The following SSUH2 variants were observed in gnomAD, a reference collection of about 807,000 sequenced individuals.
SSUH2 encodes the protein protein SSUH2 homolog.
Under a neutral mutation model 55.3 loss-of-function variants are expected in SSUH2, and 47 were observed. That is an observed-to-expected ratio of 0.85 (90% CI 0.67 to 1.08). The LOEUF (loss-of-function observed/expected upper bound fraction) is 1.08. Ranked by LOEUF, SSUH2 falls within the 50% of genes least tolerant of loss-of-function variation. The probability of loss-of-function intolerance (pLI) is 0.00; values close to 1 mark genes in which losing one functional copy is unlikely to be tolerated. For synonymous variants in SSUH2, 212 were observed against 191.5 expected, an observed-to-expected ratio of 1.11 and a Z score of -0.89; for missense variants, 535 against 490.7, an observed-to-expected ratio of 1.09 and a Z score of -0.85.
rs137978829 is a variant in SSUH2 at position 8,633,696 on chromosome 3, G to T, written c.309C>A (p.Ile103=). ...YSSTVAGDLV[I]QELKRQTLCR... ...AGAGGGTCTGCCGCTTCAGCTCCTG[G>T]ATGACGAGGTCTCCAGCCACCGTGC... The change falls in exon 4 of 12, where the codon ATC becomes ATA. Residue 103 remains isoleucine (I), a synonymous_variant. Transcript: ENST00000544814. 2 of 1,535,642 alleles carry T rather than the reference G, an allele frequency of 1.3e-6. No individual in the cohort carries two copies. The highest frequency in any genetic ancestry group is 1.8e-6 in the Non-Finnish European group (2 of 1,141,868).
chr3:8,647,060 G>T (rs1575248930), upstream of SSUH2, among the ~76,000 whole-genome samples: 2 of 152,198 alleles, frequency 1.3e-5, no homozygotes, highest in South Asian at 4.1e-4. Flanking sequence ...CTCACAGGTG[G>T]GTGTCTGTCT....
upstream of SSUH2, among the ~76,000 whole-genome samples, chr3:8,647,647 C>T (rs1263065969): frequency 6.6e-6 from 1 of 152,172 alleles, no homozygotes; most frequent in Non-Finnish European, 1.5e-5. Context: ...GGACGAAGGT[C>T]TCACCCCACC....
intron 1 of SSUH2, among the ~76,000 whole-genome samples, chr3:8,681,036 G>A (rs1181085558): frequency 6.7e-6 from 1 of 149,692 alleles, no homozygotes; most frequent in Non-Finnish European, 1.5e-5. Flanking sequence ...GGCGGGGACT[G>A]AGAGCCACCC....
chr3:8,660,955 G>A (rs142848795), intron 6 of SSUH2, among the ~76,000 whole-genome samples: 50 of 152,206 alleles, frequency 3.3e-4, no homozygotes, highest in African/African-American at 1.2e-3. Flanking sequence ...CCCAGACAGA[G>A]CAAGGGGACA....
rs146941072 is a variant in SSUH2, at chr3:8,677,158, C to T, written c.-753+48G>A. The T allele has an allele frequency of 3.8e-3, 577 of 152,172 alleles. 18 individuals are homozygous for T. Among genetic ancestry groups the T allele is most frequent in the Non-Finnish European group, 4.6e-3 (318 of 68,866 alleles). 9.4% of individuals were successfully genotyped at this position (152,172 alleles called of 1,614,324 possible). The stretch of plus-strand genomic sequence containing the variant: ...GACTGAGAGCCAGCCCCTCTTCCCC[C>T]CCTTGCTCAGGACGCCCATCGCGGA... On this transcript the variant is annotated intron_variant, in intron 3 of 18. Transcript: ENST00000317371.
intron 6 of SSUH2, among the ~76,000 whole-genome samples, chr3:8,663,556 A>G (rs561528841): frequency 8.2e-5 from 12 of 146,964 alleles, no homozygotes; most frequent in Non-Finnish European, 1.6e-4. Context: ...TGGGGGCCAC[A>G]GCAGTGGGGC....
At chr3:8,671,806 CT>C (rs763990790) in intron 4 of SSUH2, 6 of 146,924 alleles carry the variant, frequency 4.1e-5, no homozygotes, top group South Asian at 2.1e-4. Flanking sequence ...ATCACCCCCC[CT>C]CTCCCCACCT....
intron 5 of SSUH2, among the ~76,000 whole-genome samples, chr3:8,667,906 C>T (rs1314952371): frequency 6.6e-6 from 1 of 152,098 alleles, no homozygotes. Context: ...GCGCATTACA[C>T]CTGAGAATCC....
chr3:8,651,715 C>T lies in SSUH2; in HGVS notation c.-307+7210G>A, dbSNP rs145081741. ...CAAAAGTGGCAGAAATCATTTTTTCCTCCATCCCCTGATGTTAGGCCTCCC... is the reference window on the plus strand; with the variant it reads ...CAAAAGTGGCAGAAATCATTTTTTCTTCCATCCCCTGATGTTAGGCCTCCC... On this transcript the variant is annotated intron_variant, in intron 7 of 18. Coordinates refer to the SSUH2 transcript ENST00000317371. 2.6e-5 allele frequency among the ~76,000 whole-genome samples: 4 copies of T among 152,256 alleles called. No individual in the cohort carries two copies. The South Asian group carries it at 6.2e-4, about 24-fold the overall frequency.
chr3:8,623,018 C>G (rs907546540), intron 11 of SSUH2, among the ~76,000 whole-genome samples: 1 of 152,182 alleles, frequency 6.6e-6, no homozygotes, highest in Non-Finnish European at 1.5e-5. Context: ...ACGTTAGGGT[C>G]CCCTGGCTGG....
At chr3:8,681,096 C>T (rs546307730) in intron 1 of SSUH2, among the ~76,000 whole-genome samples, 1 of 101,188 alleles carries the variant, frequency 9.9e-6, no homozygotes, top group East Asian at 5.1e-4. Flanking sequence ...GGGAGAGGCA[C>T]CCCCGCGAGG....
Position 8,659,661 on chromosome 3 carries a change from C to A in SSUH2, c.-395-648G>T, listed in dbSNP as rs553862608. ...GTCTGCTCACATCAGTCCCCTGACC[C>A]AAACCCTCAATGGGCATGGGATCCA... On this transcript the variant is annotated intron_variant, in intron 6 of 18. Transcript: ENST00000317371. The A allele has an allele frequency of 1.1e-4, 44 of 416,596 alleles. 1 individual carries two copies. Among genetic ancestry groups the A allele is most frequent in the African/African-American group, 7.7e-4 (38 of 49,320 alleles). The allele number at this position is 416,596 out of a possible 1,614,324, so 25.8% of individuals were successfully genotyped here. A position where few individuals can be genotyped will look rare whatever the true frequency, so the allele number is the denominator to read the frequency against.
intron 7 of SSUH2, among the ~76,000 whole-genome samples, chr3:8,653,969 A>G (rs955505977): frequency 6.6e-6 from 1 of 152,202 alleles, no homozygotes; most frequent in African/African-American, 2.4e-5. Context: ...TGAACTTGAT[A>G]CATTTGGACT....
chr3:8,661,232 T>C (rs1231859298), intron 6 of SSUH2, among the ~76,000 whole-genome samples: 1 of 152,256 alleles, frequency 6.6e-6, no homozygotes. Context: ...TCACTCACTC[T>C]GTTCCCTCTG....
intron 7 of SSUH2, among the ~76,000 whole-genome samples, chr3:8,654,142 A>G (rs1702708751): frequency 6.6e-6 from 1 of 152,204 alleles, no homozygotes; most frequent in African/African-American, 2.4e-5. Context: ...TAGCTTGTAG[A>G]TGGCTGCCTT....
At chr3:8,665,688 A>G (rs1326998023) in intron 5 of SSUH2, among the ~76,000 whole-genome samples, 1 of 152,206 alleles carries the variant, frequency 6.6e-6, no homozygotes, top group Non-Finnish European at 1.5e-5. Flanking sequence ...CATGCCTTTC[A>G]TGTCACTTCA....
At chr3:8,679,374 GCATCCCCCAGGAGGA>G (rs1705783917) in intron 2 of SSUH2, among the ~76,000 whole-genome samples, 1 of 89,280 alleles carries the variant, frequency 1.1e-5, no homozygotes, top group Non-Finnish European at 2.6e-5. Flanking sequence ...TTGGCGGGAG[GCATCCCCCAGGAGGA>G]GGGGACTGAG....
At chr3:8,654,004 C>T (rs1702694169) in intron 7 of SSUH2, among the ~76,000 whole-genome samples, 1 of 152,180 alleles carries the variant, frequency 6.6e-6, no homozygotes, top group South Asian at 2.1e-4. Context: ...TTGTATTAGT[C>T]AGCTCAGGCT....
At chr3:8,658,059 C>G (rs406595) in intron 7 of SSUH2, among the ~76,000 whole-genome samples, 35,552 of 152,148 alleles carry the variant, frequency 0.23, 4,365 homozygotes, top group Non-Finnish European at 0.26. Flanking sequence ...GTGAATGGGC[C>G]TGGGGTCAAA....
Sources: gnomAD v4.1 joint callset for allele counts (sites outside exome capture counted in the v4.1 genomes callset) on GRCh38, gnomAD v4.1.1 for gene constraint, MANE v1.5 for transcripts, NCBI Gene and HGNC (gene_info 2026-07-23, HGNC 2026-07-21) for gene names.